Variants in ADGB observed in about 807,000 individuals in gnomAD.
ADGB encodes androglobin.
In ADGB, 172 loss-of-function variants were observed where a neutral mutation model predicts 210.5. The ratio of observed to expected loss-of-function variants is 0.82; its 90% CI spans 0.72 to 0.93. The LOEUF is 0.93. ADGB is among the 40% of genes least tolerant of loss of function. ADGB has a pLI of 0.00. For missense variants in ADGB, 2,025 were observed against 1,964.8 expected (o/e 1.03, Z -0.58); for synonymous variants, 658 against 662.7 (o/e 0.99, Z 0.11).
intron 14 of ADGB, among the ~76,000 whole-genome samples, chr6:146,715,873 T>G (rs913598408): frequency 6.6e-6 from 1 of 151,648 alleles, no homozygotes; most frequent in Non-Finnish European, 1.5e-5. Context: ...ATCGAGACCA[T>G]CCTGGCCAAC....
At chr6:146,665,126 C>T (rs755863330) in intron 6 of ADGB, among the ~76,000 whole-genome samples, 3 of 151,998 alleles carry the variant, frequency 2.0e-5, no homozygotes, top group Non-Finnish European at 2.9e-5. Context: ...CAAAGATTCT[C>T]GATATTTAAC....
intron 33 of ADGB, among the ~76,000 whole-genome samples, chr6:146,792,796 A>T (rs1777971717): frequency 6.6e-6 from 1 of 152,152 alleles, no homozygotes; most frequent in South Asian, 2.1e-4. Flanking sequence ...CAAGCACAAA[A>T]TGTCTTCAAG....
intron 25 of ADGB, among the ~76,000 whole-genome samples, chr6:146,743,791 G>A (rs9322072): frequency 1.8e-4 from 28 of 152,278 alleles, no homozygotes; most frequent in African/African-American, 6.0e-4. Context: ...GCGTGCGCCT[G>A]TAGTCCCAGC....
At chr6:146,806,909 G>A (rs902035423) in intron 35 of ADGB, among the ~76,000 whole-genome samples, 1 of 152,110 alleles carries the variant, frequency 6.6e-6, no homozygotes, top group African/African-American at 2.4e-5. Flanking sequence ...TACATATAAG[G>A]CCTTGGTATC....
intron 33 of ADGB, among the ~76,000 whole-genome samples, chr6:146,800,891 A>G (rs889685754): frequency 9.2e-5 from 14 of 152,282 alleles, no homozygotes; most frequent in African/African-American, 3.4e-4. Flanking sequence ...GTTCTTATTA[A>G]TGGAGACTAA....
chr6:146,784,150 A>C (rs1490847200), intron 30 of ADGB, among the ~76,000 whole-genome samples: 1 of 152,198 alleles, frequency 6.6e-6, no homozygotes, highest in Non-Finnish European at 1.5e-5. Flanking sequence ...TTATGGAAAT[A>C]ATCTCAAACT....
chr6:146,676,447 C>T lies in ADGB; in HGVS notation c.1216+6C>T. On this transcript the variant is annotated splice_donor_region_variant and intron_variant, in intron 9 of 35. Coordinates refer to ENST00000397944, the MANE Select transcript of ADGB (RefSeq NM_024694.4). ...TGTGCAGTCCCTATCAGATTGTAAG[C>T]TCCTAATTTCTTAGAATAATAACTA... is the stretch of plus-strand genomic sequence containing the variant. 6.6e-6 allele frequency: 9 copies of T among 1,365,668 alleles called. No homozygotes were observed. Among genetic ancestry groups the T allele is most frequent in the Non-Finnish European group, 8.6e-6 (9 of 1,048,912 alleles). 84.6% of individuals were successfully genotyped at this position (1,365,668 alleles called of 1,614,324 possible). A position where few individuals can be genotyped will look rare whatever the true frequency, so the allele number is the denominator to read the frequency against.
intron 9 of ADGB, among the ~76,000 whole-genome samples, chr6:146,683,266 T>C (rs1292749534): frequency 6.6e-6 from 1 of 152,098 alleles, no homozygotes; most frequent in East Asian, 1.9e-4. Context: ...CTAAAGCAGT[T>C]AGTGTGCACA....
chr6:146,645,026 T>C (rs1228422573), intron 3 of ADGB, among the ~76,000 whole-genome samples, 161 bp downstream of exon 3: 1 of 152,028 alleles, frequency 6.6e-6, no homozygotes, highest in Non-Finnish European at 1.5e-5. Context: ...TAAATGTTTA[T>C]TAATATAGTT....
chr6:146,754,247 T>C (rs1777370049), intron 27 of ADGB, among the ~76,000 whole-genome samples: 1 of 151,302 alleles, frequency 6.6e-6, no homozygotes, highest in Non-Finnish European at 1.5e-5. Context: ...TAATGTATTC[T>C]TTTTTATTTA....
intron 3 of ADGB, among the ~76,000 whole-genome samples, chr6:146,645,138 G>T (rs1050466465): frequency 1.3e-5 from 2 of 151,866 alleles, no homozygotes; most frequent in Non-Finnish European, 2.9e-5. Context: ...TTAAAATGTT[G>T]TATGAAGTTG....
At chr6:146,669,862 G>T (rs1406311081) in intron 7 of ADGB, among the ~76,000 whole-genome samples, 1 of 152,106 alleles carries the variant, frequency 6.6e-6, no homozygotes, top group African/African-American at 2.4e-5. Flanking sequence ...CTTAAACTCA[G>T]AATATCCAGA....
chr6:146,698,255 A>G (rs1482113694), intron 12 of ADGB, among the ~76,000 whole-genome samples: 1 of 152,246 alleles, frequency 6.6e-6, no homozygotes, highest in Non-Finnish European at 1.5e-5. Flanking sequence ...TTTAAGCTTC[A>G]ATAAAACTTT....
rs1777912485 is a variant in ADGB at position 146,788,514 on chromosome 6, T to C, written c.4441T>C (p.Leu1481=). The change falls in exon 33 of 36, where the codon TTG becomes CTG. Residue 1481 remains leucine, a synonymous_variant. Transcript: ENST00000397944. ...GAAGAAGTGGCAATTGACCAAAGGC[T>C]TGAGGGATGTGGCAAAATCCACGAG... is the stretch of plus-strand genomic sequence containing the variant. ...VWKKWQLTKG[L]RDVAKSTSSE... is the part of the protein sequence containing the mutation. 3 of 1,551,564 alleles carry C rather than the reference T, an allele frequency of 1.9e-6. No homozygotes were observed. Among genetic ancestry groups the C allele is most frequent in the Non-Finnish European group, 2.6e-6 (3 of 1,146,912 alleles).
Position 146,672,412 on chromosome 6 carries a change from T to A in ADGB, c.1032T>A (p.Pro344=). ...KEVKDVKEFK[P]ESSLTTLKAP... ...TAAAAGACGTGAAGGAATTCAAACC[T>A]GAAAGTTCTTTGACAACACTAAAGG... The change falls in exon 8 of 36, where the codon CCT becomes CCA. Residue 344 remains proline, a synonymous_variant. Coordinates refer to ENST00000397944, the MANE Select transcript of ADGB (RefSeq NM_024694.4). 6.4e-7 allele frequency: 1 copy of A among 1,551,138 alleles called. No homozygotes were observed. The highest frequency in any genetic ancestry group is 8.7e-7 in the Non-Finnish European group (1 of 1,146,780).
intron 8 of ADGB, among the ~76,000 whole-genome samples, chr6:146,674,967 A>G (rs1776067015): frequency 6.6e-6 from 1 of 152,198 alleles, no homozygotes; most frequent in Admixed American, 6.5e-5. Context: ...TGAAAATTAT[A>G]CATGCACTCA....
At chr6:146,740,944 G>C (rs1260652422) in intron 24 of ADGB, among the ~76,000 whole-genome samples, 174 bp from the exon 25 acceptor site, 1 of 152,030 alleles carries the variant, frequency 6.6e-6, no homozygotes, top group Non-Finnish European at 1.5e-5. Flanking sequence ...AATAGAGTTT[G>C]CGTTTACTTG....
intron 1 of ADGB, among the ~76,000 whole-genome samples, chr6:146,618,404 T>A (rs528476056): frequency 3.4e-4 from 51 of 152,146 alleles, no homozygotes; most frequent in African/African-American, 1.1e-3. Flanking sequence ...TTTCTTCCAC[T>A]AATGTTGTGT....
rs1417253601 is a variant in ADGB at position 146,733,134 on chromosome 6, C to T, written c.2535C>T (p.Ser845=). 7.9e-6 allele frequency: 12 copies of T among 1,523,380 alleles called. No individual in the cohort carries two copies. The highest frequency in any genetic ancestry group is 1.1e-5 in the Non-Finnish European group (12 of 1,132,568). The allele number at this position is 1,523,380 out of a possible 1,614,324, so 94.4% of individuals were successfully genotyped here. The part of the protein sequence containing the change: ...TAQHFRVFHL[S]LWRLMKKVQI... ...ATGTGTTTCAGGTTTTTCATCTTTCCTTATGGCGTTTAATGAAAAAAGTTC... is the reference window on the plus strand; with the variant it reads ...ATGTGTTTCAGGTTTTTCATCTTTCTTTATGGCGTTTAATGAAAAAAGTTC... Residue 845 remains serine (S), a synonymous_variant, in exon 21 of 36, where the codon TCC becomes TCT. Coordinates refer to ENST00000397944, the MANE Select transcript of ADGB (RefSeq NM_024694.4).
Sources: allele counts gnomAD v4.1 joint callset (sites outside exome capture counted in the v4.1 genomes callset), GRCh38; gene constraint gnomAD v4.1.1; transcripts MANE v1.5; gene names NCBI Gene and HGNC (gene_info 2026-07-23, HGNC 2026-07-21).